Variants in STYXL1 observed in about 807,000 individuals in gnomAD.
The protein encoded by STYXL1 is serine/threonine/tyrosine-interacting-like protein 1.
Under a neutral mutation model 36.4 loss-of-function variants are expected in STYXL1, and 32 were observed. The ratio of observed to expected loss-of-function variants is 0.88; its 90% CI spans 0.66 to 1.18. The LOEUF (loss-of-function observed/expected upper bound fraction) is 1.18. STYXL1 is among the 50% of genes most tolerant of loss of function. The pLI, the probability that STYXL1 is intolerant of heterozygous loss-of-function variation, is 0.00. For synonymous variants in STYXL1, 133 were observed against 144.1 expected (o/e 0.92, Z 0.55); for missense variants, 354 against 394.1 (o/e 0.90, Z 0.86).
At chr7:76,012,325 G>T (rs1792659541) in intron 5 of STYXL1, among the ~76,000 whole-genome samples, 2 of 152,108 alleles carry the variant, frequency 1.3e-5, no homozygotes, top group African/African-American at 4.8e-5. Context: ...AACCAGGCTG[G>T]AGTACAGTGG....
At chr7:76,022,703 G>A (rs936213196) in intron 3 of STYXL1, among the ~76,000 whole-genome samples, 2 of 151,794 alleles carry the variant, frequency 1.3e-5, no homozygotes, top group South Asian at 2.1e-4. Flanking sequence ...CCCAAAAAAG[G>A]ACAGTAAGTA....
At chr7:76,004,100 T>A (rs1374369237) in intron 6 of STYXL1, among the ~76,000 whole-genome samples, 1 of 152,088 alleles carries the variant, frequency 6.6e-6, no homozygotes, top group South Asian at 2.1e-4. Context: ...TTGTCTTTTT[T>A]TTTGTTTGTT....
In STYXL1 at chr7:76,016,156, A is replaced by G. The variant is rs141467149; in HGVS notation, c.308-2269T>C. On this transcript the variant is annotated intron_variant, in intron 4 of 8. Coordinates refer to ENST00000359697, the MANE Select transcript of STYXL1 (RefSeq NM_001317785.2). ...TCTATACATATGTACATGTATAGAT[A>G]TAAGTATATACATATGTACATTTAT... Among the ~76,000 whole-genome samples, 42 of 152,180 alleles carry G rather than the reference A, an allele frequency of 2.8e-4. 1 individual carries two copies. The East Asian group carries it at 8.1e-3, about 29-fold the overall frequency.
At chr7:76,046,339 T>TGTGTGTGCGC (rs1797056612) in intron 1 of STYXL1, among the ~76,000 whole-genome samples, 3 of 44,906 alleles carry the variant, frequency 6.7e-5, no homozygotes, top group African/African-American at 2.2e-4. Flanking sequence ...TGTGTGTGTG[T>TGTGTGTGCGC]GCGCGCGCGC....
chr7:76,026,488 C>T (rs1371406550), intron 3 of STYXL1, among the ~76,000 whole-genome samples: 5 of 151,976 alleles, frequency 3.3e-5, no homozygotes, highest in Non-Finnish European at 7.4e-5. Context: ...TGCTATGTTG[C>T]CCAGGCTGGT....
At chr7:76,017,878 A>AAAAAAAAAAAAAAAAAAAAAAAAAAAC (rs1793585222) in intron 4 of STYXL1, among the ~76,000 whole-genome samples, 1 of 147,238 alleles carries the variant, frequency 6.8e-6, no homozygotes, top group Non-Finnish European at 1.5e-5. Context: ...AAAAAAAAAA[A>AAAAAAAAAAAAAAAAAAAAAAAAAAAC]AAAGGCAAGA....
chr7:76,039,553 G>A (rs1796276467), intron 1 of STYXL1, among the ~76,000 whole-genome samples: 1 of 152,176 alleles, frequency 6.6e-6, no homozygotes. Context: ...AGGGACACCA[G>A]GTCCCACTGG....
chr7:76,003,709 G>A lies in STYXL1; in HGVS notation c.697+49C>T, dbSNP rs782177128. 59 of 1,562,208 alleles carry A rather than the reference G, an allele frequency of 3.8e-5. 1 individual carries two copies. The South Asian group carries it at 6.5e-4, about 17-fold the overall frequency. On this transcript the variant is annotated intron_variant, in intron 7 of 8. Transcript: ENST00000359697. ...GTGAAGGAGGCTCCACTGCCCCTCT[G>A]CTTCCCAGACACAGGCCAGTTGCTA...
chr7:76,023,498 G>A (rs782347379), intron 3 of STYXL1, among the ~76,000 whole-genome samples: 1 of 151,942 alleles, frequency 6.6e-6, no homozygotes, highest in Non-Finnish European at 1.5e-5. Flanking sequence ...TGAGTAGCTG[G>A]GACCACGGGC....
chr7:76,026,192 C>CAAAAAAAAAAAAAA (rs1159067824), intron 3 of STYXL1, among the ~76,000 whole-genome samples: 3 of 18,624 alleles, frequency 1.6e-4, no homozygotes, highest in African/African-American at 2.4e-4. Flanking sequence ...ACTCTGTCTC[C>CAAAAAAAAAAAAAA]AAAAAAAAAA....
chr7:76,023,542 A>G (rs1794323428), intron 3 of STYXL1, among the ~76,000 whole-genome samples: 1 of 151,810 alleles, frequency 6.6e-6, no homozygotes, highest in Non-Finnish European at 1.5e-5. Context: ...TTATATATTT[A>G]TATCTATATA....
At chr7:76,001,337 A>C (rs531850789) in intron 7 of STYXL1, among the ~76,000 whole-genome samples, 12 of 152,278 alleles carry the variant, frequency 7.9e-5, no homozygotes, top group African/African-American at 2.4e-4. Context: ...CGTCATCCCA[A>C]AAACAGTCAG....
chr7:76,027,642 T>C (rs1794870237), intron 3 of STYXL1, among the ~76,000 whole-genome samples: 1 of 148,658 alleles, frequency 6.7e-6, no homozygotes, highest in Admixed American at 6.7e-5. Flanking sequence ...GCTCCAAAAA[T>C]AAAGATAAAA....
At chr7:76,000,766 A>G in intron 8 of STYXL1, 124 bp downstream of exon 8, 1 of 745,814 alleles carries the variant, frequency 1.3e-6, no homozygotes, top group Non-Finnish European at 2.3e-6. Context: ...AGCACCCTAG[A>G]CTTGGAGTTA....
chr7:76,033,645 G>A (rs569884985), intron 1 of STYXL1, among the ~76,000 whole-genome samples: 2 of 152,246 alleles, frequency 1.3e-5, no homozygotes, highest in South Asian at 4.2e-4. Flanking sequence ...CCTCCTCAAA[G>A]ACTTCAGTTC....
chr7:76,004,575 C>T (rs374406940), intron 6 of STYXL1, among the ~76,000 whole-genome samples: 149 of 152,266 alleles, frequency 9.8e-4, no homozygotes, highest in African/African-American at 3.3e-3. Flanking sequence ...TATGATGGCA[C>T]ACACCTTTAG....
chr7:76,017,346 G>A (rs1793499184), intron 4 of STYXL1, among the ~76,000 whole-genome samples: 1 of 151,856 alleles, frequency 6.6e-6, no homozygotes, highest in Admixed American at 6.6e-5. Context: ...TTTAAATGTG[G>A]TTAACATATA....
At chr7:76,027,723 C>A (rs1023041504) in intron 3 of STYXL1, among the ~76,000 whole-genome samples, 17 of 152,038 alleles carry the variant, frequency 1.1e-4, no homozygotes, top group African/African-American at 3.1e-4. Context: ...AAAGAAAGCT[C>A]CACAACGGCA....
At chr7:76,027,115 C>T (rs1794805864) in intron 3 of STYXL1, among the ~76,000 whole-genome samples, 1 of 151,874 alleles carries the variant, frequency 6.6e-6, no homozygotes, top group Non-Finnish European at 1.5e-5. Context: ...CAAAGAGAAC[C>T]TCCAAGTTCA....
Sources: allele counts gnomAD v4.1 joint callset (sites outside exome capture counted in the v4.1 genomes callset), GRCh38; gene constraint gnomAD v4.1.1; transcripts MANE v1.5; gene names NCBI Gene and HGNC (gene_info 2026-07-23, HGNC 2026-07-21).